The following COG4 variants were observed in gnomAD, a reference collection of about 807,000 sequenced individuals.
COG4 encodes component of oligomeric golgi complex 4, also known as conserved oligomeric Golgi complex subunit 4.
In COG4, 65 loss-of-function variants were observed where a neutral mutation model predicts 95.1. The observed-to-expected ratio is 0.68, with a 90% CI of 0.56 to 0.84. The LOEUF is 0.84. Among genes scored for constraint, COG4 ranks in the 40% least tolerant of loss-of-function variants. COG4 has a pLI of 0.00. For synonymous variants in COG4, 421 were observed against 374.8 expected (o/e 1.12, Z -1.42); for missense variants, 1,045 against 989.1 (o/e 1.06, Z -0.76).
chr16:70,510,679 G>A (rs765781967), intron 5 of COG4, among the ~76,000 whole-genome samples: 3 of 151,998 alleles, frequency 2.0e-5, no homozygotes, highest in Non-Finnish European at 4.4e-5. Context: ...ACTGCAGAAG[G>A]GACTTTTACT....
chr16:70,498,207 T>A, intron 9 of COG4, 152 bp from the exon 10 acceptor site: 1 of 647,016 alleles, frequency 1.5e-6, no homozygotes, highest in Non-Finnish European at 2.8e-6. Flanking sequence ...CAATTTTGAA[T>A]TCTGTTTTAA....
chr16:70,503,595 CTTT>C (rs67706790), intron 8 of COG4, among the ~76,000 whole-genome samples: 1 of 125,696 alleles, frequency 8.0e-6, no homozygotes. Flanking sequence ...CCTACTTACT[CTTT>C]TTTTTTTTTT....
Position 70,496,335 on chromosome 16 carries a change from G to A in COG4, c.1578C>T (p.Ser526=), listed in dbSNP as rs748162218. ...TGTCAAATTTGCCTTGCTGGAGGCT[G>A]CTGTGCATGATGTTCACGGCACTTG... ...GVTSAVNIMH[S]SLQQGKFDTK... The change falls in exon 12 of 19, where the codon AGC becomes AGT. Residue 526 remains serine (S), a synonymous_variant. Transcript: ENST00000323786. 5.0e-6 allele frequency: 8 copies of A among 1,614,082 alleles called. No homozygotes were observed. The highest frequency in any genetic ancestry group is 1.3e-5 in the African/African-American group (1 of 74,918).
At chr16:70,518,699 C>T (rs550241331) in intron 2 of COG4, among the ~76,000 whole-genome samples, 8 of 152,032 alleles carry the variant, frequency 5.3e-5, no homozygotes, top group South Asian at 2.1e-4. Flanking sequence ...GGTTCTCGGC[C>T]GGGCATGGTG....
intron 1 of COG4, among the ~76,000 whole-genome samples, chr16:70,520,916 A>G (rs1270311102): frequency 2.6e-5 from 4 of 152,202 alleles, no homozygotes; most frequent in African/African-American, 4.8e-5. Flanking sequence ...AGTGCTTAAC[A>G]TGGTATGTGG....
At chr16:70,517,247 T>C (rs2049840537) in intron 3 of COG4, among the ~76,000 whole-genome samples, 1 of 152,004 alleles carries the variant, frequency 6.6e-6, no homozygotes, top group Admixed American at 6.6e-5. Context: ...AAAGAAGCTA[T>C]TGGCCAGGCA....
At chr16:70,495,876 G>A (rs747838838) in intron 12 of COG4, among the ~76,000 whole-genome samples, 2 of 152,244 alleles carry the variant, frequency 1.3e-5, no homozygotes, top group African/African-American at 4.8e-5. Flanking sequence ...AGGCCCGAAG[G>A]ACTGGCGCCT....
At chr16:70,509,527 G>T in intron 6 of COG4, 139 bp from the exon 7 acceptor site, 1 of 938,950 alleles carries the variant, frequency 1.1e-6, no homozygotes, top group African/African-American at 1.6e-5. Context: ...AATAGGCCTA[G>T]TCAATGCTAG....
intron 14 of COG4, 71 bp from the exon 15 acceptor site, chr16:70,482,892 A>G: frequency 8.9e-7 from 1 of 1,122,778 alleles, no homozygotes; most frequent in East Asian, 2.5e-5. Context: ...TCTTCTCCCC[A>G]TCCCTTCCCT....
rs540639502 is a variant in COG4 at position 70,521,824 on chromosome 16, C to G, written c.171+1549G>C. On this transcript the variant is annotated intron_variant, in intron 1 of 18. Coordinates refer to ENST00000323786, the MANE Select transcript of COG4 (RefSeq NM_015386.3). ...TCACGCCATTCTCCTGCCTCAGCCT[C>G]CCGAGTAGCTGGGACTACAGGCGCC... is the stretch of plus-strand genomic sequence containing the variant. Among the ~76,000 whole-genome samples, 3 of 151,602 alleles carry G rather than the reference C, an allele frequency of 2.0e-5. No individual in the cohort carries two copies. In the South Asian group the frequency reaches 6.3e-4, roughly 32 times the overall value.
intron 7 of COG4, chr16:70,508,702 T>A (rs766609031): frequency 4.6e-6 from 3 of 652,974 alleles, no homozygotes; most frequent in African/African-American, 1.8e-5. Context: ...CTAATGGTGT[T>A]CCAATAGACT....
chr16:70,508,316 T>C (rs2049621955), intron 8 of COG4, 90 bp downstream of exon 8: 3 of 1,069,192 alleles, frequency 2.8e-6, no homozygotes, highest in East Asian at 4.7e-5. Context: ...TTTAAAAACA[T>C]AGACCACATT....
At chr16:70,497,097 A>C in intron 11 of COG4, 124 bp downstream of exon 11, 5 of 951,850 alleles carry the variant, frequency 5.3e-6, no homozygotes, top group Non-Finnish European at 8.2e-6. Flanking sequence ...TCTTAGGGAT[A>C]GGAGCTGATG....
chr16:70,496,387 G>A lies in COG4; in HGVS notation c.1526C>T (p.Thr509Ile). 1 of 1,614,180 alleles carries A rather than the reference G, an allele frequency of 6.2e-7. No individual in the cohort carries two copies. The part of the protein sequence containing the change: ...NKLRMGFPAT[T>I]FQDIQRGVTS... Reference sequence around the variant, plus strand: ...CACCCCGCGCTGGATGTCCTGGAAGGTGGTGGCAGGAAAGCCCATCCGCAG... The same window carrying A: ...CACCCCGCGCTGGATGTCCTGGAAGATGGTGGCAGGAAAGCCCATCCGCAG... Residue 509 changes from threonine (T) to isoleucine (I), a missense_variant, in exon 12 of 19, where the codon ACC becomes ATC. Physicochemically the swap from Thr to Ile is moderately conservative, Grantham distance 89 (BLOSUM62 -1). Transcript: ENST00000323786.
intron 1 of COG4, 139 bp from the exon 2 acceptor site, chr16:70,519,870 C>CTA: frequency 1.4e-6 from 1 of 715,504 alleles, no homozygotes; most frequent in South Asian, 1.5e-5. Context: ...TAGACTTTAA[C>CTA]AATGCTTCAT....
At chr16:70,495,397 C>CAAAAAAAAAAAAAAAAAAAAAAAAA (rs11382671) in intron 12 of COG4, among the ~76,000 whole-genome samples, 26 of 111,286 alleles carry the variant, frequency 2.3e-4, no homozygotes, top group African/African-American at 8.1e-4. Flanking sequence ...GACTCCATCT[C>CAAAAAAAAAAAAAAAAAAAAAAAAA]AAAAAAAAAA....
At chr16:70,481,297 G>A in intron 18 of COG4, 62 bp downstream of exon 18, 1 of 1,608,242 alleles carries the variant, frequency 6.2e-7, no homozygotes, top group South Asian at 1.1e-5. Flanking sequence ...GGAAGTGGCG[G>A]GGATCCATCT....
chr16:70,506,927 C>T (rs2151756446), intron 8 of COG4, among the ~76,000 whole-genome samples: 1 of 152,126 alleles, frequency 6.6e-6, no homozygotes, highest in African/African-American at 2.4e-5. Context: ...AAATGAACTG[C>T]TGGGCTGGGC....
intron 1 of COG4, among the ~76,000 whole-genome samples, chr16:70,521,777 C>G (rs1292993257): frequency 6.7e-6 from 1 of 150,346 alleles, no homozygotes; most frequent in Admixed American, 6.6e-5. Flanking sequence ...TCTCGGCTCA[C>G]TGCAAGCTCC....
Sources: gnomAD v4.1 joint callset for allele counts (sites outside exome capture counted in the v4.1 genomes callset) on GRCh38, gnomAD v4.1.1 for gene constraint, MANE v1.5 for transcripts, NCBI Gene and HGNC (gene_info 2026-07-23, HGNC 2026-07-21) for gene names.